ZNF70: variants seen among roughly 807,000 people sequenced by gnomAD.
The protein encoded by ZNF70 is zinc finger protein N27C7-1.
Under a neutral mutation model 37.7 loss-of-function variants are expected in ZNF70, and 18 were observed. The observed-to-expected ratio is 0.48, with a 90% CI of 0.33 to 0.71. ZNF70 has a LOEUF of 0.71. ZNF70 is among the 30% of genes least tolerant of loss of function. ZNF70 has a pLI of 0.02. For missense variants in ZNF70, 506 were observed against 568.6 expected, an observed-to-expected ratio of 0.89 and a Z score of 1.12; for synonymous variants, 219 against 220.1, an observed-to-expected ratio of 0.99 and a Z score of 0.05.
In ZNF70 at chr22:23,744,632, C is replaced by T; in HGVS notation, c.509G>A (p.Cys170Tyr). 1 of 1,614,092 alleles carries T rather than the reference C, an allele frequency of 6.2e-7. No homozygotes were observed. The highest frequency in any genetic ancestry group is 8.5e-7 in the Non-Finnish European group (1 of 1,179,986). Residue 170 changes from cysteine to tyrosine, a missense_variant, in exon 2 of 2, where the codon TGC (cysteine) becomes TAC (tyrosine). Transcript: ENST00000341976. ...GCTGAAGGCCTTCCCGCACTCACAG[C>T]ACTCATAGGGCTTCTCCCCAGTGTG... ...VIHTGEKPYE[C>Y]CECGKAFSQS...
intron 1 of ZNF70, among the ~76,000 whole-genome samples, chr22:23,749,581 C>A (rs1280069366): frequency 6.8e-6 from 1 of 148,014 alleles, no homozygotes; most frequent in South Asian, 2.1e-4. Context: ...GCTCTACAGG[C>A]ACGTGCCACA....
rs1327543444 is a variant in ZNF70 at position 23,742,103 on chromosome 22, CCAGGCATGGTGG to C, written c.*1685_*1696del. The C allele has an allele frequency of 1.3e-5, 2 of 152,394 alleles. No homozygotes were observed. Among genetic ancestry groups the C allele is most frequent in the Non-Finnish European group, 2.9e-5 (2 of 68,208 alleles). 9.4% of individuals were successfully genotyped at this position (152,394 alleles called of 1,614,324 possible). On this transcript the variant is annotated 3_prime_UTR_variant, in exon 2 of 2. Transcript: ENST00000341976. ...CTGTACTAAAAATACAAAAAATTAG[CCAGGCATGGTGG>C]CACGCACCTGTAGTCCCAGCTACTC...
chr22:23,744,280 T>C lies in ZNF70; in HGVS notation c.861A>G (p.Lys287=). ...KKPHECDLCG[K]AFCHRSHLIR... is the part of the protein sequence containing the mutation. ...TGAGGTGTGACCTGTGACAAAAGGCTTTCCCACAGAGATCGCACTCGTGAG... is the reference window on the plus strand; with the variant it reads ...TGAGGTGTGACCTGTGACAAAAGGCCTTCCCACAGAGATCGCACTCGTGAG... Residue 287 remains lysine, a synonymous_variant, in exon 2 of 2, where the codon AAA becomes AAG. Transcript: ENST00000341976. 6.2e-7 allele frequency: 1 copy of C among 1,613,488 alleles called. No individual in the cohort carries two copies. The highest frequency in any genetic ancestry group is 8.5e-7 in the Non-Finnish European group (1 of 1,179,892).
At position 23,743,724 on chromosome 22, in the gene ZNF70, G is replaced by T; in HGVS notation, c.*76C>A. 1 of 1,526,892 alleles carries T rather than the reference G, an allele frequency of 6.5e-7. No homozygotes were observed. The highest frequency in any genetic ancestry group is 1.3e-5 in the South Asian group (1 of 75,696). 94.6% of individuals were successfully genotyped at this position (1,526,892 alleles called of 1,614,324 possible). ...CATTCAGCATCAGGGAGGTAGGTGG[G>T]GTCTTGGAGACCACGCGACGTGGAA... On this transcript the variant is annotated 3_prime_UTR_variant, in exon 2 of 2. Transcript: ENST00000341976.
At chr22:23,750,610 C>G (rs1007259663) in intron 1 of ZNF70, 101 bp downstream of exon 1, 1 of 152,284 alleles carries the variant, frequency 6.6e-6, no homozygotes, top group East Asian at 1.9e-4. Context: ...ACCCTGAAGT[C>G]TCCACTCAGA....
Position 23,745,071 on chromosome 22 carries a change from CTTG to C in ZNF70, c.67_69del (p.Gln23del), listed in dbSNP as rs1381369662. The C allele has an allele frequency of 1.9e-6, 3 of 1,614,220 alleles. No homozygotes were observed. Among genetic ancestry groups the C allele is most frequent in the Admixed American group, 1.7e-5 (1 of 60,020 alleles). ...CCCAGGTCCTCCCCTGGGAAAAGCC[CTTG>C]TTGTGACTCTAACCTGTTCTCAAAT... is the stretch of plus-strand genomic sequence containing the variant. On this transcript the variant is annotated inframe_deletion, in exon 2 of 2. Coordinates refer to ENST00000341976, the MANE Select transcript of ZNF70 (RefSeq NM_021916.4).
rs147877298 is a variant in ZNF70, at chr22:23,746,351, C to T, written c.-79-1132G>A. 6.1e-3 allele frequency among the ~76,000 whole-genome samples: 924 copies of T among 151,718 alleles called. 8 individuals carry two copies. Among genetic ancestry groups the T allele is most frequent in the African/African-American group, 0.019 (801 of 41,358 alleles). On this transcript the variant is annotated intron_variant, in intron 1 of 1. Transcript: ENST00000341976. Reference sequence around the variant, plus strand: ...CCTCCCGAGTAGCTGGGATTACAAGCGCCCACCACCATTCTTGGCTAATTT... The same window carrying T: ...CCTCCCGAGTAGCTGGGATTACAAGTGCCCACCACCATTCTTGGCTAATTT...
intron 1 of ZNF70, 79 bp from the exon 2 acceptor site, chr22:23,745,298 T>C (rs1384795346): frequency 2.7e-6 from 2 of 743,268 alleles, no homozygotes; most frequent in Non-Finnish European, 4.4e-6. Flanking sequence ...CTAGAATCTA[T>C]GGTAGAAACA....
At position 23,744,020 on chromosome 22, in the gene ZNF70, C is replaced by G; in HGVS notation, c.1121G>C (p.Cys374Ser). The G allele has an allele frequency of 6.2e-7, 1 of 1,614,168 alleles. No individual in the cohort carries two copies. The highest frequency in any genetic ancestry group is 1.1e-5 in the South Asian group (1 of 91,082). The change falls in exon 2 of 2, where the codon TGC (cysteine) becomes TCC (serine). Residue 374 changes from cysteine to serine, a missense_variant. Coordinates refer to ENST00000341976, the MANE Select transcript of ZNF70 (RefSeq NM_021916.4). ...GTGCTGGATCAGCGCAGAGCTGTGG[C>G]AAAAGGCCTTGCCACACTGACAGCA... ...YECCQCGKAF[C>S]HSSALIQHQR...
chr22:23,748,497 T>A (rs1172740216), intron 1 of ZNF70, among the ~76,000 whole-genome samples: 1 of 151,808 alleles, frequency 6.6e-6, no homozygotes, highest in Non-Finnish European at 1.5e-5. Context: ...CACCTCTGCC[T>A]CCCAAAGTGC....
Position 23,744,720 on chromosome 22 carries a change from C to T in ZNF70, c.421G>A (p.Ala141Thr). Residue 141 changes from alanine (A) to threonine (T), a missense_variant, in exon 2 of 2, where the codon GCG (alanine) becomes ACG (threonine). By Grantham distance (58) the Ala-to-Thr change is moderately conservative (BLOSUM62 0). Coordinates refer to ENST00000341976, the MANE Select transcript of ZNF70 (RefSeq NM_021916.4). ...AAGGCCTTCCCACACTCTCGACACG[C>T]ATAGGGCTTGGCTGGTTGTGGGGTT... is the stretch of plus-strand genomic sequence containing the variant. ...HRTPQPAKPY[A>T]CRECGKAFSQ... 1 of 1,614,232 alleles carries T rather than the reference C, an allele frequency of 6.2e-7. No individual in the cohort carries two copies. Among genetic ancestry groups the T allele is most frequent in the Non-Finnish European group, 8.5e-7 (1 of 1,180,046 alleles).
chr22:23,746,480 T>C (rs1464245272), intron 1 of ZNF70, among the ~76,000 whole-genome samples: 1 of 152,094 alleles, frequency 6.6e-6, no homozygotes, highest in African/African-American at 2.4e-5. Flanking sequence ...GTGCTGGGAT[T>C]ACAGGCGTGA....
intron 1 of ZNF70, among the ~76,000 whole-genome samples, chr22:23,750,484 A>G (rs1925286954): frequency 6.6e-6 from 1 of 151,044 alleles, no homozygotes; most frequent in South Asian, 2.1e-4. Context: ...CATGGCTTCC[A>G]AGTTCTCTTT....
chr22:23,750,402 G>A (rs966006547), intron 1 of ZNF70, among the ~76,000 whole-genome samples: 16 of 152,034 alleles, frequency 1.1e-4, no homozygotes, highest in African/African-American at 3.9e-4. Context: ...CGCCCACATT[G>A]CCTACCTAGG....
intron 1 of ZNF70, among the ~76,000 whole-genome samples, chr22:23,749,220 C>T (rs747325031): frequency 2.0e-5 from 3 of 151,378 alleles, no homozygotes; most frequent in Non-Finnish European, 2.9e-5. Flanking sequence ...AATTACAGCG[C>T]GTCTGTAATC....
chr22:23,749,588 C>G (rs941172537), intron 1 of ZNF70, among the ~76,000 whole-genome samples: 8 of 149,990 alleles, frequency 5.3e-5, no homozygotes, highest in Non-Finnish European at 1.0e-4. Context: ...AGGCACGTGC[C>G]ACACCTGGCT....
rs1397041998 is a variant in ZNF70, at chr22:23,740,845, A to G, written c.*2955T>C. The G allele has an allele frequency of 6.6e-6, 1 of 152,046 alleles. No homozygotes were observed. The highest frequency in any genetic ancestry group is 2.4e-5 in the African/African-American group (1 of 41,402). 9.4% of individuals were successfully genotyped at this position (152,046 alleles called of 1,614,324 possible). A position where few individuals can be genotyped will look rare whatever the true frequency, so the allele number is the denominator to read the frequency against. On this transcript the variant is annotated 3_prime_UTR_variant, in exon 2 of 2. Transcript: ENST00000341976. ...GGCTCTGGTCATACTTCCAAAAAAG[A>G]ACCTGGTCTTACCATGTTTATCTGT...
At chr22:23,745,292 A>C in intron 1 of ZNF70, 73 bp from the exon 2 acceptor site, 2 of 765,280 alleles carry the variant, frequency 2.6e-6, no homozygotes, top group Non-Finnish European at 4.2e-6. Context: ...CATATCCTAG[A>C]ATCTATGGTA....
In ZNF70 at chr22:23,744,737, T is replaced by C. The variant is rs201130459; in HGVS notation, c.404A>G (p.Gln135Arg). ...SGPNAPHRTP[Q>R]PAKPYACREC... ...TCGACACGCATAGGGCTTGGCTGGTTGTGGGGTTCTGTGAGGTGCGTTAGG... is the reference window on the plus strand; with the variant it reads ...TCGACACGCATAGGGCTTGGCTGGTCGTGGGGTTCTGTGAGGTGCGTTAGG... The change falls in exon 2 of 2, where the codon CAA (glutamine) becomes CGA (arginine). Residue 135 changes from glutamine (Q) to arginine (R), a missense_variant. Transcript: ENST00000341976. The C allele has an allele frequency of 6.3e-5, 102 of 1,614,102 alleles. No individual in the cohort carries two copies. Among genetic ancestry groups the C allele is most frequent in the Non-Finnish European group, 8.3e-5 (98 of 1,180,050 alleles).
Sources: allele counts gnomAD v4.1 joint callset (sites outside exome capture counted in the v4.1 genomes callset), GRCh38; gene constraint gnomAD v4.1.1; transcripts MANE v1.5; gene names NCBI Gene and HGNC (gene_info 2026-07-23, HGNC 2026-07-21).